CDH13: variants seen among roughly 807,000 people sequenced by gnomAD.
The protein encoded by CDH13 is cadherin 13.
In CDH13, 24 loss-of-function variants were observed where a neutral mutation model predicts 63.8. The ratio of observed to expected loss-of-function variants is 0.38; its 90% CI spans 0.27 to 0.53. The LOEUF (loss-of-function observed/expected upper bound fraction) is 0.53, where lower values mean the gene tolerates loss of function less well. Among genes scored for constraint, CDH13 ranks in the 20% least tolerant of loss-of-function variants. The pLI is 0.85. For missense variants in CDH13, 1,049 were observed against 903.1 expected (o/e 1.16, Z -2.07); for synonymous variants, 503 against 355.3 (o/e 1.42, Z -4.67).
chr16:82,727,675 G>A (rs1025044158), intron 1 of CDH13: 1 of 152,186 alleles, frequency 6.6e-6, no homozygotes, highest in Admixed American at 6.5e-5. Flanking sequence ...GTAGATTCTG[G>A]AGGTACTTAT....
intron 10 of CDH13, among the ~76,000 whole-genome samples, chr16:83,702,556 C>G (rs1906403921): frequency 6.6e-6 from 1 of 152,186 alleles, no homozygotes; most frequent in South Asian, 2.1e-4. Flanking sequence ...CTATCCTAAT[C>G]TAGCTGCATT....
chr16:82,993,384 G>C (rs781768408), intron 2 of CDH13, among the ~76,000 whole-genome samples: 1 of 151,986 alleles, frequency 6.6e-6, no homozygotes, highest in Non-Finnish European at 1.5e-5. Flanking sequence ...TGCAGGTTTT[G>C]AGTTACCACT....
At chr16:83,438,874 T>G (rs1373320733) in intron 6 of CDH13, among the ~76,000 whole-genome samples, 2 of 152,230 alleles carry the variant, frequency 1.3e-5, no homozygotes, top group African/African-American at 4.8e-5. Context: ...CACAGAGGGC[T>G]GAAAACCTAC....
chr16:82,925,416 C>T (rs1256225287), intron 2 of CDH13, among the ~76,000 whole-genome samples: 1 of 152,154 alleles, frequency 6.6e-6, no homozygotes, highest in Non-Finnish European at 1.5e-5. Context: ...CATTTGTATG[C>T]TGGGAAGGAA....
intron 4 of CDH13, chr16:83,180,843 A>G (rs1216803469): frequency 6.8e-7 from 1 of 1,475,878 alleles, no homozygotes; most frequent in Admixed American, 2.0e-5. Flanking sequence ...CCAATTTACA[A>G]CAAAATGTGT....
intron 2 of CDH13, among the ~76,000 whole-genome samples, chr16:82,994,280 G>A (rs1299739840): frequency 6.6e-6 from 1 of 152,134 alleles, no homozygotes; most frequent in African/African-American, 2.4e-5. Context: ...AGAGACCCAC[G>A]TCTCTAACTC....
chr16:82,959,313 T>C lies in CDH13; in HGVS notation c.158-72697T>C, dbSNP rs375169430. On this transcript the variant is annotated intron_variant, in intron 2 of 13. Coordinates refer to ENST00000567109, the MANE Select transcript of CDH13 (RefSeq NM_001257.5). ...GACATTCATTTCACTCAAACCTGCA[T>C]GGTGATTTTTGGCAGGGGAGGGGGC... 1.8e-4 allele frequency among the ~76,000 whole-genome samples: 28 copies of C among 152,312 alleles called. No homozygotes were observed. In the South Asian group the frequency reaches 5.2e-3, roughly 28 times the overall value.
intron 7 of CDH13, among the ~76,000 whole-genome samples, chr16:83,525,833 C>T (rs2074947895): frequency 6.6e-6 from 1 of 152,100 alleles, no homozygotes; most frequent in African/African-American, 2.4e-5. Context: ...GAGAACGGGA[C>T]AGATTGCAGC....
At chr16:83,708,853 A>G (rs755458819) in intron 10 of CDH13, among the ~76,000 whole-genome samples, 5 of 151,992 alleles carry the variant, frequency 3.3e-5, no homozygotes, top group Non-Finnish European at 5.9e-5. Flanking sequence ...GGTGAAACCT[A>G]TCTCTACTAA....
intron 11 of CDH13, among the ~76,000 whole-genome samples, chr16:83,760,304 T>G (rs1261098996): frequency 6.6e-6 from 1 of 152,192 alleles, no homozygotes; most frequent in Non-Finnish European, 1.5e-5. Context: ...TAGTATCAAC[T>G]AAAGCTGAAC....
At chr16:83,273,172 A>T (rs977791045) in intron 5 of CDH13, among the ~76,000 whole-genome samples, 4 of 151,142 alleles carry the variant, frequency 2.6e-5, no homozygotes, top group Non-Finnish European at 5.9e-5. Context: ...AATAATATCA[A>T]TTTTTTTTTC....
chr16:83,192,461 A>G (rs910580583), intron 4 of CDH13, among the ~76,000 whole-genome samples: 14 of 152,212 alleles, frequency 9.2e-5, no homozygotes, highest in Non-Finnish European at 7.3e-5. Flanking sequence ...TATGATCACT[A>G]GCTGCAATCT....
chr16:82,704,070 T>A lies in CDH13; in HGVS notation c.45+76933T>A, dbSNP rs183431415. ...AAAAAACCCATGACACTGCCACAGC[T>A]GAAAAAGCCTTTGAAAAAGGCAGGT... On this transcript the variant is annotated intron_variant, in intron 1 of 13. Transcript: ENST00000567109. Among the ~76,000 whole-genome samples, 12 of 152,194 alleles carry A rather than the reference T, an allele frequency of 7.9e-5. No homozygotes were observed. The South Asian group carries it at 2.5e-3, about 32-fold the overall frequency.
chr16:82,949,668 G>C (rs1375624080), intron 2 of CDH13, among the ~76,000 whole-genome samples: 2 of 152,160 alleles, frequency 1.3e-5, no homozygotes, highest in Non-Finnish European at 2.9e-5. Flanking sequence ...GCTAGCAACA[G>C]TCAGAGAAAA....
intron 3 of CDH13, among the ~76,000 whole-genome samples, chr16:83,037,298 A>C (rs762791945): frequency 2.0e-4 from 31 of 152,156 alleles, no homozygotes; most frequent in Non-Finnish European, 3.4e-4. Flanking sequence ...CCTTGCCAAG[A>C]GACTCTAACT....
rs1904291345 is a variant in CDH13, at chr16:83,798,063, T to G, written c.*3033T>G. 1 of 152,198 alleles carries G rather than the reference T, an allele frequency of 6.6e-6. No homozygotes were observed. Among genetic ancestry groups the G allele is most frequent in the Admixed American group, 6.5e-5 (1 of 15,290 alleles). The allele number at this position is 152,198 out of a possible 1,614,324, so 9.4% of individuals were successfully genotyped here. A position where few individuals can be genotyped will look rare whatever the true frequency, so the allele number is the denominator to read the frequency against. ...AAATCCAGCCAGATTTCATGGTAGG[T>G]ATCAAATAAGACTTTGGCTCTTAAA... On this transcript the variant is annotated 3_prime_UTR_variant, in exon 14 of 14. Transcript: ENST00000567109.
At position 83,542,120 on chromosome 16, in the gene CDH13, A is replaced by T. The variant is rs140447671; in HGVS notation, c.960+55465A>T. Among the ~76,000 whole-genome samples the T allele has an allele frequency of 2.4e-4, 37 of 152,308 alleles. No individual in the cohort carries two copies. In the East Asian group the frequency reaches 6.2e-3, roughly 25 times the overall value. Reference sequence around the variant, plus strand: ...CTCAGGCCTCATGCTAGTCTTATTGAATTAGCATCTGCATTTTAACAAGAC... The same window carrying T: ...CTCAGGCCTCATGCTAGTCTTATTGTATTAGCATCTGCATTTTAACAAGAC... On this transcript the variant is annotated intron_variant, in intron 7 of 13. Coordinates refer to ENST00000567109, the MANE Select transcript of CDH13 (RefSeq NM_001257.5).
Position 83,537,357 on chromosome 16 carries a change from A to G in CDH13, c.960+50702A>G, listed in dbSNP as rs531687071. Among the ~76,000 whole-genome samples, 60 of 152,016 alleles carry G rather than the reference A, an allele frequency of 3.9e-4. 1 individual carries two copies. The highest frequency in any genetic ancestry group is 1.4e-3 in the African/African-American group (60 of 41,458). ...CTTTCCATGGCAATCCCTGTGTAGA[A>G]CTTTAGGCTGCAACCTAAAGGTGAA... is the stretch of plus-strand genomic sequence containing the variant. On this transcript the variant is annotated intron_variant, in intron 7 of 13. Transcript: ENST00000567109.
chr16:83,051,818 T>C (rs993673386), intron 3 of CDH13, among the ~76,000 whole-genome samples: 6 of 152,226 alleles, frequency 3.9e-5, no homozygotes, highest in African/African-American at 1.4e-4. Context: ...CAAATCCCTG[T>C]AGGAAACAGA....
Sources: allele counts gnomAD v4.1 joint callset (sites outside exome capture counted in the v4.1 genomes callset), GRCh38; gene constraint gnomAD v4.1.1; transcripts MANE v1.5; gene names NCBI Gene and HGNC (gene_info 2026-07-23, HGNC 2026-07-21).